The following ZMYND8 variants were observed in gnomAD, a reference collection of about 807,000 sequenced individuals.
The protein encoded by ZMYND8 is MYND-type zinc finger-containing chromatin reader ZMYND8.
A neutral mutation model predicts 140.8 loss-of-function variants in ZMYND8; 37 were observed. That is an observed-to-expected ratio of 0.26 (90% CI 0.20 to 0.35). ZMYND8 has a LOEUF of 0.35. Ranked by LOEUF, ZMYND8 falls within the 10% of genes least tolerant of loss-of-function variation. The pLI, the probability that ZMYND8 is intolerant of heterozygous loss-of-function variation, is 1.00. For synonymous variants in ZMYND8, 592 were observed against 597.1 expected (o/e 0.99, Z 0.12); for missense variants, 1,068 against 1,570.0 (o/e 0.68, Z 5.40).
chr20:47,343,760 G>A (rs1416715862), intron 2 of ZMYND8, among the ~76,000 whole-genome samples: 4 of 152,156 alleles, frequency 2.6e-5, no homozygotes, highest in Admixed American at 1.3e-4. Context: ...GCCTCCCAAA[G>A]TGCTGGGATT....
intron 1 of ZMYND8, chr20:47,354,734 C>A (rs2083080263): frequency 6.6e-6 from 1 of 152,144 alleles, no homozygotes; most frequent in African/African-American, 2.4e-5. Context: ...ACGGTCATGT[C>A]GGATTGGTCT....
At chr20:47,226,627 C>G (rs923442086) in intron 18 of ZMYND8, among the ~76,000 whole-genome samples, 5 of 146,964 alleles carry the variant, frequency 3.4e-5, no homozygotes, top group African/African-American at 1.3e-4. Context: ...CCCTTGAAAA[C>G]TGGGGATATG....
At chr20:47,355,086 G>C (rs149343892) in intron 1 of ZMYND8, among the ~76,000 whole-genome samples, 1 of 152,136 alleles carries the variant, frequency 6.6e-6, no homozygotes, top group Non-Finnish European at 1.5e-5. Flanking sequence ...AATGTTTTTA[G>C]GGCTCTGCAC....
intron 10 of ZMYND8, among the ~76,000 whole-genome samples, chr20:47,280,478 T>TG (rs1194242103): frequency 6.6e-6 from 1 of 152,210 alleles, no homozygotes; most frequent in Non-Finnish European, 1.5e-5. Flanking sequence ...CCGTCCTTCA[T>TG]GCTCTGTAAG....
At position 47,308,246 on chromosome 20, in the gene ZMYND8, T is replaced by A. The variant is rs113273296; in HGVS notation, c.234+1810A>T. 8.2e-3 allele frequency among the ~76,000 whole-genome samples: 1,092 copies of A among 133,792 alleles called. 11 individuals are homozygous for A. The highest frequency in any genetic ancestry group is 0.03 in the African/African-American group (1,030 of 34,126). The allele number at this position is 133,792 out of a possible 152,430, so 87.8% of individuals were successfully genotyped here. ...TTTTTTTTTTTTTTTGGAGACAGAG[T>A]CTTGCTCTGTCGCCCAGGCTGGAGT... On this transcript the variant is annotated intron_variant, in intron 3 of 22. Coordinates refer to ENST00000471951, the MANE Select transcript of ZMYND8 (RefSeq NM_001281775.3).
At chr20:47,265,059 T>TAG (rs1249433143) in intron 11 of ZMYND8, among the ~76,000 whole-genome samples, 2 of 148,120 alleles carry the variant, frequency 1.4e-5, no homozygotes, top group South Asian at 2.1e-4. Context: ...TATACATATA[T>TAG]ATATATATAG....
rs975347101 is a variant in ZMYND8 at position 47,246,044 on chromosome 20, T to C, written c.2248A>G (p.Lys750Glu). The C allele has an allele frequency of 4.4e-6, 7 of 1,606,308 alleles. No homozygotes were observed. Among genetic ancestry groups the C allele is most frequent in the Admixed American group, 1.7e-5 (1 of 57,732 alleles). Residue 750 changes from lysine (K) to glutamate (E), a missense_variant, in exon 14 of 23, where the codon AAG becomes GAG. Lys to Glu is a moderately conservative substitution (Grantham distance 56). This residue lies in a region of ZMYND8 where 383 missense variants were observed against 431.2 expected (regional missense o/e 0.89). Transcript: ENST00000471951. Reference sequence around the variant, plus strand: ...GGAGATGGTTCTTTGGGTTCCTTCTTATTTTTTCGACCCTCCCGCCCAGAA... The same window carrying C: ...GGAGATGGTTCTTTGGGTTCCTTCTCATTTTTTCGACCCTCCCGCCCAGAA... The part of the protein sequence containing the change: ...DHSGREGRKN[K>E]KEPKEPSPKQ...
At chr20:47,286,965 A>C (rs2076962021) in intron 8 of ZMYND8, among the ~76,000 whole-genome samples, 1 of 152,194 alleles carries the variant, frequency 6.6e-6, no homozygotes, top group African/African-American at 2.4e-5. Context: ...AAAAGACAGG[A>C]GGCCCGGTGC....
At chr20:47,231,041 T>C (rs1473821101) in intron 16 of ZMYND8, among the ~76,000 whole-genome samples, 1 of 152,236 alleles carries the variant, frequency 6.6e-6, no homozygotes, top group Non-Finnish European at 1.5e-5. Flanking sequence ...GGTTTGTCAT[T>C]TTAATGCCTT....
chr20:47,285,876 A>C (rs527474905), intron 8 of ZMYND8: 1 of 967,072 alleles, frequency 1.0e-6, no homozygotes, highest in African/African-American at 1.8e-5. Context: ...AAAGCAGTTT[A>C]TAAAACTCTC....
intron 5 of ZMYND8, among the ~76,000 whole-genome samples, chr20:47,294,401 T>C (rs2077510620): frequency 6.6e-6 from 1 of 152,078 alleles, no homozygotes; most frequent in South Asian, 2.1e-4. Context: ...CTTCATAAAT[T>C]ACTCAGTCTC....
chr20:47,288,213 C>G (rs1359976409), intron 7 of ZMYND8, among the ~76,000 whole-genome samples: 1 of 152,250 alleles, frequency 6.6e-6, no homozygotes, highest in African/African-American at 2.4e-5. Flanking sequence ...CCAACAGCGA[C>G]CTTTCCAGGC....
intron 2 of ZMYND8, among the ~76,000 whole-genome samples, chr20:47,325,061 C>T (rs533269616): frequency 1.1e-4 from 17 of 152,216 alleles, no homozygotes; most frequent in African/African-American, 4.1e-4. Flanking sequence ...TGCGCCACCA[C>T]GCCCAGCTAA....
intron 12 of ZMYND8, among the ~76,000 whole-genome samples, chr20:47,252,413 C>T (rs1202050540): frequency 1.3e-5 from 2 of 151,732 alleles, no homozygotes; most frequent in South Asian, 4.2e-4. Flanking sequence ...AGGCCTCCCT[C>T]GGAATTTCCA....
intron 2 of ZMYND8, chr20:47,319,357 G>A (rs928602913): frequency 4.0e-4 from 103 of 255,074 alleles, no homozygotes; most frequent in Non-Finnish European, 7.5e-4. Context: ...TGCTGGCCGA[G>A]GTGACAATAT....
At chr20:47,330,497 C>G (rs112099762) in intron 2 of ZMYND8, among the ~76,000 whole-genome samples, 2,215 of 152,026 alleles carry the variant, frequency 0.015, 33 homozygotes, top group South Asian at 0.031. Flanking sequence ...AGACACCATG[C>G]CCTTAAGGCT....
intron 21 of ZMYND8, among the ~76,000 whole-genome samples, chr20:47,216,745 T>A (rs2036184537): frequency 6.6e-6 from 1 of 152,062 alleles, no homozygotes; most frequent in African/African-American, 2.4e-5. Context: ...AGGCAGAGGT[T>A]GCAGTGAGCC....
chr20:47,281,070 A>G (rs1276403051), intron 10 of ZMYND8, among the ~76,000 whole-genome samples: 1 of 152,196 alleles, frequency 6.6e-6, no homozygotes, highest in African/African-American at 2.4e-5. Context: ...AGCTTCCACT[A>G]CACAGGCTGG....
intron 3 of ZMYND8, among the ~76,000 whole-genome samples, chr20:47,302,537 A>T (rs1278901832): frequency 1.3e-5 from 2 of 152,152 alleles, no homozygotes; most frequent in African/African-American, 2.4e-5. Flanking sequence ...ATTCCAAATT[A>T]AAAAATAAAA....
Sources: allele counts gnomAD v4.1 joint callset (sites outside exome capture counted in the v4.1 genomes callset), GRCh38; gene constraint gnomAD v4.1.1; regional missense constraint gnomAD v4.1.1; transcripts MANE v1.5; gene names NCBI Gene and HGNC (gene_info 2026-07-23, HGNC 2026-07-21).